CIMAP1D: variants seen among roughly 807,000 people sequenced by gnomAD.
The protein encoded by CIMAP1D is protein CIMAP1D.
chr19:480,490 G>GGAAGGA, the CIMAP1D span, among the ~76,000 whole-genome samples: 6 of 98,724 alleles, frequency 6.1e-5, no homozygotes, highest in East Asian at 1.1e-3. Flanking sequence ...AAGGATGATG[G>GGAAGGA]TAAGGATGAT....
the CIMAP1D span, chr19:472,436 C>A: frequency 1.9e-6 from 3 of 1,547,286 alleles, no homozygotes; most frequent in Non-Finnish European, 2.6e-6. Flanking sequence ...GGACTGGCCA[C>A]CCTGGTGCAG....
chr19:479,550 G>A, the CIMAP1D span, among the ~76,000 whole-genome samples: 1 of 152,006 alleles, frequency 6.6e-6, no homozygotes, highest in Non-Finnish European at 1.5e-5. Context: ...GATTACAGGC[G>A]TGCGCAACCA....
chr19:475,590 G>A, the CIMAP1D span, among the ~76,000 whole-genome samples: 1 of 152,232 alleles, frequency 6.6e-6, no homozygotes, highest in East Asian at 1.9e-4. Flanking sequence ...AGGACAGCGG[G>A]GAGGTGAGAG....
the CIMAP1D span, among the ~76,000 whole-genome samples, chr19:470,506 C>T: frequency 1.3e-5 from 2 of 152,180 alleles, no homozygotes; most frequent in African/African-American, 4.8e-5. Context: ...CCACCGCGCC[C>T]GGCCCATAGG....
chr19:470,465 C>A, the CIMAP1D span, among the ~76,000 whole-genome samples: 1 of 152,152 alleles, frequency 6.6e-6, no homozygotes. Flanking sequence ...CCCGCCTCGG[C>A]CTCCCGAAGT....
the CIMAP1D span, among the ~76,000 whole-genome samples, chr19:491,075 G>A: frequency 2.0e-5 from 3 of 151,340 alleles, no homozygotes; most frequent in Admixed American, 6.6e-5. Context: ...CAGCCTGGGT[G>A]ACAGAGTGAG....
At chr19:479,398 CT>C in the CIMAP1D span, among the ~76,000 whole-genome samples, 3,650 of 78,698 alleles carry the variant, frequency 0.046, 85 homozygotes, top group East Asian at 0.096. Flanking sequence ...TTCTTTTTCT[CT>C]TTTTTTTTTT....
At chr19:484,139 C>CTTTTTTTTTTTTTTTTTTTTTTTTTTTT in the CIMAP1D span, among the ~76,000 whole-genome samples, 1 of 129,442 alleles carries the variant, frequency 7.7e-6, no homozygotes, top group Non-Finnish European at 1.6e-5. Context: ...TTTTCTTTTT[C>CTTTTTTTTTTTTTTTTTTTTTTTTTTTT]TTTTTTTTTT....
chr19:466,276 T>G, the CIMAP1D span, among the ~76,000 whole-genome samples: 1 of 119,632 alleles, frequency 8.4e-6, no homozygotes, highest in Non-Finnish European at 1.7e-5. Flanking sequence ...GGTGGATGGA[T>G]GGGTGGGTGG....
the CIMAP1D span, among the ~76,000 whole-genome samples, chr19:486,557 C>G: frequency 6.6e-6 from 1 of 152,016 alleles, no homozygotes; most frequent in Non-Finnish European, 1.5e-5. Context: ...TCTCCTGCCT[C>G]AGCCTCCCAA....
At chr19:467,506 T>C in the CIMAP1D span, 2 of 692,338 alleles carry the variant, frequency 2.9e-6, no homozygotes, top group Non-Finnish European at 2.6e-6. Flanking sequence ...CGGCCCCTCC[T>C]CCGTGTCCCT....
At chr19:471,402 C>T in the CIMAP1D span, among the ~76,000 whole-genome samples, 1 of 151,958 alleles carries the variant, frequency 6.6e-6, no homozygotes, top group African/African-American at 2.4e-5. Flanking sequence ...CCCGCCTCGG[C>T]CTCCCAAAGT....
At chr19:474,899 G>T in the CIMAP1D span, 1 of 615,362 alleles carries the variant, frequency 1.6e-6, no homozygotes, top group Non-Finnish European at 2.5e-6. Flanking sequence ...ACGGCCTCTT[G>T]TCCCGCAGCA....
the CIMAP1D span, chr19:474,620 C>G: frequency 1.9e-6 from 3 of 1,549,264 alleles, no homozygotes; most frequent in Admixed American, 5.5e-5. Flanking sequence ...CTGGCACGCA[C>G]CGTTCTCCAG....
At chr19:467,742 G>A in the CIMAP1D span, 6 of 1,606,368 alleles carry the variant, frequency 3.7e-6, no homozygotes, top group Non-Finnish European at 5.1e-6. Flanking sequence ...ATGGGGCCCG[G>A]GCTGGTGTCC....
chr19:483,930 G>T, the CIMAP1D span, among the ~76,000 whole-genome samples: 1 of 152,072 alleles, frequency 6.6e-6, no homozygotes, highest in African/African-American at 2.4e-5. Flanking sequence ...GTGCACTCAT[G>T]AGACCTCCCA....
chr19:468,228 T>C, the CIMAP1D span, among the ~76,000 whole-genome samples: 2 of 152,008 alleles, frequency 1.3e-5, no homozygotes, highest in African/African-American at 4.8e-5. Flanking sequence ...TAGCCAGACA[T>C]GTTGACATGC....
At chr19:477,741 C>T in the CIMAP1D span, among the ~76,000 whole-genome samples, 286 of 152,334 alleles carry the variant, frequency 1.9e-3, 2 homozygotes, top group African/African-American at 6.4e-3. Context: ...CGGCTCACTG[C>T]GAGCTCCGCC....
At chr19:467,843 GC>G in the CIMAP1D span, 1 of 856,338 alleles carries the variant, frequency 1.2e-6, no homozygotes. Context: ...GCCCCTCTTG[GC>G]CCCGAGACAC....
Sources: gnomAD v4.1 joint callset for allele counts (sites outside exome capture counted in the v4.1 genomes callset) on GRCh38, gnomAD v4.1.1 for gene constraint, MANE v1.5 for transcripts, NCBI Gene and HGNC (gene_info 2026-07-23, HGNC 2026-07-21) for gene names.